F5: variants seen among roughly 807,000 people sequenced by gnomAD.
The protein encoded by F5 is coagulation factor V.
A neutral mutation model predicts 216.4 loss-of-function variants in F5; 138 were observed. The observed-to-expected ratio is 0.64, with a 90% confidence interval of 0.56 to 0.73. F5 has a LOEUF of 0.73. Among genes scored for constraint, F5 ranks in the 30% least tolerant of loss-of-function variants. The pLI is 0.00. For missense variants in F5, 2,403 were observed against 2,674.0 expected, an observed-to-expected ratio of 0.90 and a Z score of 2.24; for synonymous variants, 916 against 930.7, an observed-to-expected ratio of 0.98 and a Z score of 0.29.
chr1:169,582,959 T>C (rs760869339), intron 1 of F5, among the ~76,000 whole-genome samples: 1 of 152,220 alleles, frequency 6.6e-6, no homozygotes, highest in African/African-American at 2.4e-5. Flanking sequence ...TTTGGTGGAA[T>C]TTATTTCTAG....
intron 2 of F5, among the ~76,000 whole-genome samples, chr1:169,576,810 G>A (rs766183459): frequency 1.5e-4 from 23 of 152,076 alleles, no homozygotes; most frequent in Non-Finnish European, 2.6e-4. Context: ...AGTTGCCATG[G>A]TTCTCTTGCT....
rs1659206986 is a variant in F5, at chr1:169,518,340, T to C, written c.6345+72A>G. The C allele has an allele frequency of 1.3e-5, 20 of 1,534,212 alleles. No homozygotes were observed. The South Asian group carries it at 2.0e-4, about 15-fold the overall frequency. Reference sequence around the variant, plus strand: ...ATACTCCTGCTTCCCAGATCCTCCATGTTTGTGGTAGTGAGGGCCTTTGCT... The same window carrying C: ...ATACTCCTGCTTCCCAGATCCTCCACGTTTGTGGTAGTGAGGGCCTTTGCT... On this transcript the variant is annotated intron_variant, in intron 23 of 24. Coordinates refer to ENST00000367797, the MANE Select transcript of F5 (RefSeq NM_000130.5).
intron 17 of F5, among the ~76,000 whole-genome samples, chr1:169,527,612 T>C (rs1659489363): frequency 6.6e-6 from 1 of 152,122 alleles, no homozygotes. Flanking sequence ...GGATTCATTT[T>C]TTCATCTGCT....
At chr1:169,521,928 T>A (rs957254078) in intron 21 of F5, among the ~76,000 whole-genome samples, 2 of 151,960 alleles carry the variant, frequency 1.3e-5, no homozygotes, top group Admixed American at 6.6e-5. Flanking sequence ...CAAGAAGATT[T>A]TTTTAAAATC....
chr1:169,554,838 A>C (rs1282074584), intron 7 of F5, among the ~76,000 whole-genome samples: 1 of 152,298 alleles, frequency 6.6e-6, no homozygotes, highest in South Asian at 2.1e-4. Flanking sequence ...TGAATTTCCA[A>C]ATCTCTTAAT....
chr1:169,556,691 C>A lies in F5; in HGVS notation c.907G>T (p.Glu303Ter). 6.2e-7 allele frequency: 1 copy of A among 1,614,080 alleles called. No individual in the cohort carries two copies. Residue 303 changes from glutamate (E) to a stop codon, truncating the protein, a stop_gained, in exon 6 of 25, where the codon GAG becomes TAG. Coordinates refer to ENST00000367797, the MANE Select transcript of F5 (RefSeq NM_000130.5). LOFTEE classifies it high-confidence loss of function. ...AGAGAAGATATGATCCACTTTCCCT[C>A]TGGGCCCACAGTCATATTTGCGGTA... Reference protein sequence around the residue: ...STTANMTVGPEGKWIISSLTP... With the variant: ...STTANMTVGP
chr1:169,534,131 C>T (rs546374992), intron 14 of F5, among the ~76,000 whole-genome samples: 178 of 152,214 alleles, frequency 1.2e-3, no homozygotes, highest in Non-Finnish European at 1.9e-3. Context: ...GTCACGTACC[C>T]CCTCCTTGCT....
rs75548771 is a variant in F5 at position 169,539,199 on chromosome 1, C to T, written c.4796+1095G>A. 9.1e-3 allele frequency among the ~76,000 whole-genome samples: 1,383 copies of T among 152,258 alleles called. 15 individuals are homozygous for T. Among genetic ancestry groups the T allele is most frequent in the African/African-American group, 0.032 (1,331 of 41,552 alleles). On this transcript the variant is annotated intron_variant, in intron 13 of 24. Transcript: ENST00000367797. ...TCACCCATCAAACCCATAATATTTG[C>T]TATATACTGTGAGTCATCAACAGAG...
At position 169,549,691 on chromosome 1, in the gene F5, A is replaced by G. The variant is rs1467995052; in HGVS notation, c.1611+110T>C. On this transcript the variant is annotated intron_variant, in intron 10 of 24. Transcript: ENST00000367797. ...TGGTGCTAAAAAGGACTACTTGACAATTACTGTTCTCTTGAAGGAAATGCC... is the reference window on the plus strand; with the variant it reads ...TGGTGCTAAAAAGGACTACTTGACAGTTACTGTTCTCTTGAAGGAAATGCC... 31 of 769,448 alleles carry G rather than the reference A, an allele frequency of 4.0e-5. No individual in the cohort carries two copies. In the Admixed American group the frequency reaches 6.2e-4, roughly 15 times the overall value. The allele number at this position is 769,448 out of a possible 1,614,324, so 47.7% of individuals were successfully genotyped here. A position where few individuals can be genotyped will look rare whatever the true frequency, so the allele number is the denominator to read the frequency against.
intron 3 of F5, among the ~76,000 whole-genome samples, chr1:169,564,851 C>G (rs1660564498): frequency 6.6e-6 from 1 of 152,062 alleles, no homozygotes; most frequent in Non-Finnish European, 1.5e-5. Context: ...TCAGGTACTA[C>G]AGTAACGTGC....
chr1:169,535,927 G>A (rs553426751), intron 14 of F5, among the ~76,000 whole-genome samples: 4 of 152,078 alleles, frequency 2.6e-5, no homozygotes, highest in South Asian at 4.2e-4. Flanking sequence ...GAATGTGAGC[G>A]GTTAGCAAAA....
At chr1:169,551,355 T>C (rs112983820) in intron 8 of F5, among the ~76,000 whole-genome samples, 3,164 of 152,252 alleles carry the variant, frequency 0.021, 114 homozygotes, top group African/African-American at 0.072. Context: ...GAGGCTGAGG[T>C]GCGAGAATCG....
intron 23 of F5, among the ~76,000 whole-genome samples, chr1:169,517,182 C>T (rs959729211): frequency 6.6e-6 from 1 of 152,076 alleles, no homozygotes; most frequent in Non-Finnish European, 1.5e-5. Context: ...AGGAGCATGG[C>T]CTGTTTACTG....
Position 169,560,770 on chromosome 1 carries a change from G to A in F5, c.374-4C>T, listed in dbSNP as rs1311754446. The A allele has an allele frequency of 1.9e-6, 3 of 1,611,572 alleles. No homozygotes were observed. In the African/African-American group the frequency reaches 4.0e-5, roughly 22 times the overall value. The stretch of plus-strand genomic sequence containing the variant: ...GTGTGGTCAAGGTAAGAAGCACCTG[G>A]AGGAGTAACAGCCATCAAGACATGT... On this transcript the variant is annotated splice_polypyrimidine_tract_variant and splice_region_variant and intron_variant, in intron 3 of 24. Transcript: ENST00000367797.
intron 3 of F5, among the ~76,000 whole-genome samples, chr1:169,565,728 T>A (rs2040443): frequency 0.31 from 47,309 of 151,996 alleles, 9,558 homozygotes; most frequent in East Asian, 0.65. Context: ...GATGATCAGT[T>A]CTTACTGGAC....
Position 169,550,568 on chromosome 1 carries a change from G to A in F5, c.1396+72C>T, listed in dbSNP as rs947770598. The A allele has an allele frequency of 4.3e-6, 5 of 1,151,124 alleles. No individual in the cohort carries two copies. The African/African-American group carries it at 4.6e-5, about 11-fold the overall frequency. The allele number at this position is 1,151,124 out of a possible 1,614,324, so 71.3% of individuals were successfully genotyped here. A position where few individuals can be genotyped will look rare whatever the true frequency, so the allele number is the denominator to read the frequency against. ...TGCAGTAGTGACACCACCGGGCAAG[G>A]AGAATAGCAGAAAAATGTGGCAGCC... On this transcript the variant is annotated intron_variant, in intron 9 of 24. Coordinates refer to ENST00000367797, the MANE Select transcript of F5 (RefSeq NM_000130.5).
In F5 at chr1:169,541,943, G is replaced by A. The variant is rs1030294093; in HGVS notation, c.3147C>T (p.His1049=). 3.1e-6 allele frequency: 5 copies of A among 1,613,982 alleles called. No homozygotes were observed. The African/African-American group carries it at 6.7e-5, about 22-fold the overall frequency. The change falls in exon 13 of 25, where the codon CAC becomes CAT. Residue 1049 remains histidine (H), a synonymous_variant. Transcript: ENST00000367797. ...HHAPLSPRTF[H]PLRSEAYNTF... Reference sequence around the variant, plus strand: ...TGTTGTAGGCTTCACTTCTTAGAGGGTGAAAGGTCCTCGGAGATAAAGGAG... The same window carrying A: ...TGTTGTAGGCTTCACTTCTTAGAGGATGAAAGGTCCTCGGAGATAAAGGAG...
chr1:169,555,352 G>A lies in F5; in HGVS notation c.953-5C>T. On this transcript the variant is annotated splice_polypyrimidine_tract_variant and splice_region_variant and intron_variant, in intron 6 of 24. Transcript: ENST00000367797. ...CAATGTAAGCCTGCATCCCAGCTGA[G>A]TTAGGACAGAAAGACAATGAAATAA... is the stretch of plus-strand genomic sequence containing the variant. 5 of 1,613,910 alleles carry A rather than the reference G, an allele frequency of 3.1e-6. No homozygotes were observed. Among genetic ancestry groups the A allele is most frequent in the Non-Finnish European group, 4.2e-6 (5 of 1,179,908 alleles).
At chr1:169,552,248 A>G (rs566384025) in intron 8 of F5, among the ~76,000 whole-genome samples, 2 of 152,146 alleles carry the variant, frequency 1.3e-5, no homozygotes, top group Non-Finnish European at 2.9e-5. Flanking sequence ...CTTAGGACAA[A>G]ATTTGAAGAC....
Sources: gnomAD v4.1 joint callset for allele counts (sites outside exome capture counted in the v4.1 genomes callset) on GRCh38, gnomAD v4.1.1 for gene constraint, MANE v1.5 for transcripts, NCBI Gene and HGNC (gene_info 2026-07-23, HGNC 2026-07-21) for gene names.